The following KIAA1549L variants were observed in gnomAD, a reference collection of about 807,000 sequenced individuals.
The protein encoded by KIAA1549L is KIAA1549 like.
A neutral mutation model predicts 160.7 loss-of-function variants in KIAA1549L; 88 were observed. The observed-to-expected ratio is 0.55, with a 90% CI of 0.46 to 0.65. The LOEUF (loss-of-function observed/expected upper bound fraction) is 0.65. Among genes scored for constraint, KIAA1549L ranks in the 30% least tolerant of loss-of-function variants. KIAA1549L has a pLI of 0.00. For missense variants in KIAA1549L, 2,258 were observed against 2,437.5 expected (o/e 0.93, Z 1.55); for synonymous variants, 950 against 976.7 (o/e 0.97, Z 0.51).
At chr11:33,416,397 T>A (rs1055381926) in intron 1 of KIAA1549L, among the ~76,000 whole-genome samples, 1 of 152,034 alleles carries the variant, frequency 6.6e-6, no homozygotes, top group African/African-American at 2.4e-5. Flanking sequence ...TCTTCCCTAG[T>A]AAATCTTTAT....
At chr11:33,544,716 G>T in intron 2 of KIAA1549L, 51 bp from the exon 3 acceptor site, 1 of 1,539,290 alleles carries the variant, frequency 6.5e-7, no homozygotes, top group South Asian at 1.3e-5. Flanking sequence ...CAGAACAAGT[G>T]ACACGTGCAT....
chr11:33,537,809 A>C (rs1251282479), intron 1 of KIAA1549L, among the ~76,000 whole-genome samples: 1 of 152,220 alleles, frequency 6.6e-6, no homozygotes, highest in Admixed American at 6.5e-5. Context: ...AGTGACAGGC[A>C]CAGACATGTC....
intron 8 of KIAA1549L, among the ~76,000 whole-genome samples, chr11:33,564,283 C>A (rs190915421): frequency 6.6e-6 from 1 of 152,192 alleles, no homozygotes; most frequent in South Asian, 2.1e-4. Context: ...AGCCTTTACT[C>A]CCAGACATGC....
chr11:33,596,190 C>T (rs988527095), intron 12 of KIAA1549L, among the ~76,000 whole-genome samples: 4 of 152,156 alleles, frequency 2.6e-5, no homozygotes, highest in African/African-American at 9.7e-5. Context: ...TTCTTGCTTT[C>T]AAAAACACTT....
At chr11:33,454,381 A>G (rs936252624) in intron 1 of KIAA1549L, among the ~76,000 whole-genome samples, 8 of 152,226 alleles carry the variant, frequency 5.3e-5, no homozygotes, top group Admixed American at 5.2e-4. Flanking sequence ...TAGTAAGTAA[A>G]TATAGGCAGA....
rs557858789 is a variant in KIAA1549L at position 33,606,807 on chromosome 11, A to T, written c.5046A>T (p.Ala1682=). The change falls in exon 14 of 21, where the codon GCA becomes GCT. Residue 1682 remains alanine (A), a synonymous_variant. Coordinates refer to ENST00000658780, the MANE Select transcript of KIAA1549L (RefSeq NM_012194.3). Reference sequence around the variant, plus strand: ...CGGACAGGAGCCAGGAGTCATCGGCAGTCCTCAACGGCGAGGTAAGTGCCT... The same window carrying T: ...CGGACAGGAGCCAGGAGTCATCGGCTGTCCTCAACGGCGAGGTAAGTGCCT... ...PTSDRSQESS[A]VLNGEVNKAL... 1 of 1,608,726 alleles carries T rather than the reference A, an allele frequency of 6.2e-7. No homozygotes were observed. The highest frequency in any genetic ancestry group is 1.7e-5 in the Admixed American group (1 of 59,280).
chr11:33,468,818 TC>T (rs1339294569), intron 1 of KIAA1549L, among the ~76,000 whole-genome samples: 1 of 152,178 alleles, frequency 6.6e-6, no homozygotes, highest in Non-Finnish European at 1.5e-5. Flanking sequence ...ACTTTATTGC[TC>T]CCTAGCCCTG....
intron 1 of KIAA1549L, among the ~76,000 whole-genome samples, chr11:33,419,023 C>G (rs558282988): frequency 3.9e-5 from 6 of 152,048 alleles, no homozygotes; most frequent in Non-Finnish European, 7.4e-5. Context: ...CAGGCACTTG[C>G]CACTGTGCCT....
chr11:33,571,631 C>T (rs1252167542), intron 9 of KIAA1549L, among the ~76,000 whole-genome samples: 1 of 152,050 alleles, frequency 6.6e-6, no homozygotes, highest in Admixed American at 6.5e-5. Context: ...GCTCCACGCA[C>T]ATTAAACAAC....
chr11:33,445,056 G>A (rs1851583754), intron 1 of KIAA1549L, among the ~76,000 whole-genome samples: 1 of 152,188 alleles, frequency 6.6e-6, no homozygotes, highest in African/African-American at 2.4e-5. Context: ...GAAATAGTAG[G>A]AGGCCCCATG....
rs553339883 is a variant in KIAA1549L at position 33,630,724 on chromosome 11, CAGA to C, written c.5409+12064_5409+12066del. On this transcript the variant is annotated intron_variant, in intron 16 of 20. Coordinates refer to ENST00000658780, the MANE Select transcript of KIAA1549L (RefSeq NM_012194.3). ...GAACCCGGTACCTCAGATAGAAATGCAGAAATCACCCATCTTCTGCGTCGCTCA... is the reference window on the plus strand; with the variant it reads ...GAACCCGGTACCTCAGATAGAAATGCAATCACCCATCTTCTGCGTCGCTCA... Among the ~76,000 whole-genome samples the C allele has an allele frequency of 1.9e-3, 288 of 151,850 alleles. 5 individuals carry two copies. Among genetic ancestry groups the C allele is most frequent in the South Asian group, 0.016 (79 of 4,824 alleles).
intron 1 of KIAA1549L, among the ~76,000 whole-genome samples, chr11:33,502,228 G>C (rs1227010901): frequency 1.3e-5 from 2 of 152,206 alleles, no homozygotes; most frequent in East Asian, 3.8e-4. Flanking sequence ...CTTCTGGGTA[G>C]AGCTACATCG....
chr11:33,525,095 G>C (rs1853581997), intron 1 of KIAA1549L, among the ~76,000 whole-genome samples: 1 of 152,210 alleles, frequency 6.6e-6, no homozygotes, highest in Non-Finnish European at 1.5e-5. Flanking sequence ...CACGTGGATG[G>C]ACAGAACAGT....
In KIAA1549L at chr11:33,432,587, A is replaced by G. The variant is rs543200537; in HGVS notation, c.238+55698A>G. Among the ~76,000 whole-genome samples the G allele has an allele frequency of 2.4e-4, 36 of 152,300 alleles. No individual in the cohort carries two copies. In the South Asian group the frequency reaches 5.8e-3, roughly 25 times the overall value. On this transcript the variant is annotated intron_variant, in intron 1 of 20. Transcript: ENST00000658780. ...AAACATATCTTTTCCTCCTATTTCC[A>G]TGATCTAAACTGAAGACAAAAATAT...
chr11:33,381,714 C>A (rs977302676), intron 1 of KIAA1549L, among the ~76,000 whole-genome samples: 14 of 152,034 alleles, frequency 9.2e-5, no homozygotes, highest in African/African-American at 3.4e-4. Context: ...AGTATGGAAG[C>A]CAGGAGATCA....
At chr11:33,442,990 T>C (rs560935011) in intron 1 of KIAA1549L, among the ~76,000 whole-genome samples, 77 of 152,362 alleles carry the variant, frequency 5.1e-4, no homozygotes, top group African/African-American at 1.8e-3. Context: ...ATATTTTATA[T>C]TTCAGAAATT....
rs557930102 is a variant in KIAA1549L, at chr11:33,448,306, A to G, written c.238+71417A>G. On this transcript the variant is annotated intron_variant, in intron 1 of 20. Transcript: ENST00000658780. Reference sequence around the variant, plus strand: ...AGATTTTCTTTGTGCTGCAGCCATAATAATACTCAGAAACATGAATACCAG... The same window carrying G: ...AGATTTTCTTTGTGCTGCAGCCATAGTAATACTCAGAAACATGAATACCAG... Among the ~76,000 whole-genome samples, 25 of 152,256 alleles carry G rather than the reference A, an allele frequency of 1.6e-4. No individual in the cohort carries two copies. In the South Asian group the frequency reaches 5.2e-3, roughly 32 times the overall value.
intron 16 of KIAA1549L, 87 bp from the exon 17 acceptor site, chr11:33,645,599 G>A: frequency 1.0e-6 from 1 of 986,104 alleles, no homozygotes; most frequent in Admixed American, 2.0e-5. Context: ...CCTAGCACCT[G>A]TCCAAGTGAA....
intron 1 of KIAA1549L, among the ~76,000 whole-genome samples, chr11:33,537,515 G>A (rs1336262818): frequency 6.6e-6 from 1 of 152,160 alleles, no homozygotes; most frequent in Non-Finnish European, 1.5e-5. Context: ...GCACTTTGGG[G>A]AATTTCTAAT....
Sources: allele counts gnomAD v4.1 joint callset (sites outside exome capture counted in the v4.1 genomes callset), GRCh38; gene constraint gnomAD v4.1.1; transcripts MANE v1.5; gene names NCBI Gene and HGNC (gene_info 2026-07-23, HGNC 2026-07-21).